The following CNTNAP4 variants were observed in gnomAD, a reference collection of about 807,000 sequenced individuals.
CNTNAP4 encodes contactin associated protein family member 4, also known as contactin-associated protein-like 4.
In CNTNAP4, 98 loss-of-function variants were observed where a neutral mutation model predicts 148.4. The observed-to-expected ratio is 0.66, with a 90% CI of 0.56 to 0.78. The LOEUF (loss-of-function observed/expected upper bound fraction) is 0.78. Among genes scored for constraint, CNTNAP4 ranks in the 30% least tolerant of loss-of-function variants. The probability of loss-of-function intolerance (pLI) is 0.00; values close to 1 mark genes in which losing one functional copy is unlikely to be tolerated. For synonymous variants in CNTNAP4, 730 were observed against 565.1 expected (o/e 1.29, Z -4.14); for missense variants, 1,935 against 1,565.6 (o/e 1.24, Z -3.98).
At chr16:76,536,722 TTC>T (rs1344074610) in intron 18 of CNTNAP4, among the ~76,000 whole-genome samples, 3 of 152,170 alleles carry the variant, frequency 2.0e-5, no homozygotes, top group African/African-American at 7.2e-5. Context: ...ACTTTTCAGC[TTC>T]TCTCATTATC....
intron 2 of CNTNAP4, among the ~76,000 whole-genome samples, chr16:76,321,207 C>G (rs1014964429): frequency 2.0e-4 from 30 of 152,208 alleles, no homozygotes; most frequent in African/African-American, 6.3e-4. Flanking sequence ...AAATCAAGCA[C>G]TTATCTGTAG....
At chr16:76,542,147 T>C (rs1416940647) in intron 21 of CNTNAP4, among the ~76,000 whole-genome samples, 3 of 152,160 alleles carry the variant, frequency 2.0e-5, no homozygotes, top group Non-Finnish European at 4.4e-5. Context: ...TTCAGATGCA[T>C]AGAAAAACAT....
intron 2 of CNTNAP4, among the ~76,000 whole-genome samples, chr16:76,318,982 A>C (rs1434199667): frequency 6.6e-6 from 1 of 152,092 alleles, no homozygotes; most frequent in Non-Finnish European, 1.5e-5. Context: ...GCCAAAGAAT[A>C]GAGCAAAAAA....
At chr16:76,401,026 T>C (rs2144839341) in intron 3 of CNTNAP4, among the ~76,000 whole-genome samples, 1 of 152,316 alleles carries the variant, frequency 6.6e-6, no homozygotes, top group Non-Finnish European at 1.5e-5. Flanking sequence ...TTTGGGCTCT[T>C]TTTTGGTTCC....
chr16:76,522,709 T>TTCTTTTCTTC (rs2083530129), intron 17 of CNTNAP4, among the ~76,000 whole-genome samples: 2 of 39,180 alleles, frequency 5.1e-5, no homozygotes, highest in African/African-American at 1.6e-4. Flanking sequence ...TTCTTTTCTT[T>TTCTTTTCTTC]TCTTTTCTTT....
chr16:76,415,569 GTATT>G (rs539148885), intron 3 of CNTNAP4, among the ~76,000 whole-genome samples: 50 of 151,098 alleles, frequency 3.3e-4, no homozygotes, highest in African/African-American at 1.1e-3. Context: ...TATTGAGAAA[GTATT>G]TAGTTGCCAT....
chr16:76,311,299 G>T (rs780347549), intron 1 of CNTNAP4, among the ~76,000 whole-genome samples: 10 of 151,928 alleles, frequency 6.6e-5, no homozygotes, highest in Non-Finnish European at 1.3e-4. Flanking sequence ...AGGCTATTGA[G>T]TTTTTTTGTA....
chr16:76,517,717 A>G (rs1236172068), intron 15 of CNTNAP4, among the ~76,000 whole-genome samples: 5 of 152,166 alleles, frequency 3.3e-5, no homozygotes, highest in Non-Finnish European at 7.4e-5. Context: ...TGTGCTATTG[A>G]ATGGCTTTTA....
chr16:76,434,627 C>T (rs1019791881), intron 4 of CNTNAP4, among the ~76,000 whole-genome samples: 30 of 152,320 alleles, frequency 2.0e-4, no homozygotes, highest in African/African-American at 7.2e-4. Context: ...TTGATGTTGG[C>T]ACTAATCTCT....
intron 11 of CNTNAP4, among the ~76,000 whole-genome samples, chr16:76,478,498 T>G (rs2081678017): frequency 6.6e-6 from 1 of 152,202 alleles, no homozygotes; most frequent in Non-Finnish European, 1.5e-5. Context: ...CCATAGTATT[T>G]CACGTTGTTT....
chr16:76,432,886 A>G (rs2079659476), intron 4 of CNTNAP4, among the ~76,000 whole-genome samples: 1 of 152,118 alleles, frequency 6.6e-6, no homozygotes, highest in Non-Finnish European at 1.5e-5. Context: ...TTGGCTAGCC[A>G]TGATTTTATG....
Position 76,521,273 on chromosome 16 carries a change from C to T in CNTNAP4, c.2499C>T (p.Asn833=). 2 of 1,612,342 alleles carry T rather than the reference C, an allele frequency of 1.2e-6. No homozygotes were observed. Among genetic ancestry groups the T allele is most frequent in the Non-Finnish European group, 1.7e-6 (2 of 1,179,310 alleles). Residue 833 remains asparagine, a synonymous_variant, in exon 16 of 24, where the codon AAC becomes AAT. Transcript: ENST00000611870. ...TTASSGVFLE[N]LGIADFIRIE... ...CTTCATCTGGGGTATTTTTAGAGAA[C>T]TTGGGGATTGCTGATTTTATACGGA...
intron 11 of CNTNAP4, among the ~76,000 whole-genome samples, chr16:76,477,932 C>T (rs2081651617): frequency 6.6e-6 from 1 of 152,104 alleles, no homozygotes; most frequent in African/African-American, 2.4e-5. Context: ...CAATTTGATA[C>T]AATAATTGAG....
intron 12 of CNTNAP4, among the ~76,000 whole-genome samples, chr16:76,481,672 G>C (rs2081834620): frequency 6.6e-6 from 1 of 152,160 alleles, no homozygotes; most frequent in African/African-American, 2.4e-5. Context: ...ATATTTTATG[G>C]AGCAAAACCA....
At chr16:76,388,861 A>G (rs2016725970) in intron 3 of CNTNAP4, among the ~76,000 whole-genome samples, 1 of 152,204 alleles carries the variant, frequency 6.6e-6, no homozygotes, top group East Asian at 1.9e-4. Context: ...GTCTGTCCCA[A>G]CATGCTCTGC....
chr16:76,438,457 GT>G (rs1045503936), intron 4 of CNTNAP4, among the ~76,000 whole-genome samples: 2 of 152,094 alleles, frequency 1.3e-5, no homozygotes, highest in Non-Finnish European at 2.9e-5. Flanking sequence ...GAATAGAGAT[GT>G]TTTTTAAAAA....
intron 2 of CNTNAP4, among the ~76,000 whole-genome samples, chr16:76,354,925 C>T (rs1322289630): frequency 6.6e-6 from 1 of 152,192 alleles, no homozygotes; most frequent in African/African-American, 2.4e-5. Context: ...TTAGTTCCTT[C>T]ATAGCTTGAA....
At chr16:76,459,471 G>A (rs573377343) in intron 8 of CNTNAP4, among the ~76,000 whole-genome samples, 2 of 152,222 alleles carry the variant, frequency 1.3e-5, no homozygotes, top group Admixed American at 6.5e-5. Flanking sequence ...TGGATGTGAT[G>A]TAAAAGTGAG....
At chr16:76,347,545 CA>C (rs1434871797) in intron 2 of CNTNAP4, among the ~76,000 whole-genome samples, 1 of 152,060 alleles carries the variant, frequency 6.6e-6, no homozygotes, top group Non-Finnish European at 1.5e-5. Context: ...AAAAGTGGTT[CA>C]GGGGAAGACA....
Sources: gnomAD v4.1 joint callset for allele counts (sites outside exome capture counted in the v4.1 genomes callset) on GRCh38, gnomAD v4.1.1 for gene constraint, MANE v1.5 for transcripts, NCBI Gene and HGNC (gene_info 2026-07-23, HGNC 2026-07-21) for gene names.